DBNDD1: variants seen among roughly 807,000 people sequenced by gnomAD.
DBNDD1 encodes the protein dysbindin domain-containing protein 1.
In DBNDD1, 14 loss-of-function variants were observed where a neutral mutation model predicts 17.0. The observed-to-expected ratio is 0.82, with a 90% confidence interval of 0.54 to 1.29. The LOEUF (loss-of-function observed/expected upper bound fraction) is 1.29. Ranked by LOEUF, DBNDD1 falls within the 50% of genes most tolerant of loss-of-function variation. DBNDD1 has a pLI of 0.00. For missense variants in DBNDD1, 221 were observed against 216.2 expected (o/e 1.02, Z -0.14); for synonymous variants, 105 against 102.0 (o/e 1.03, Z -0.18).
chr16:90,007,407 A>C (rs1197375699), intron 3 of DBNDD1: 1 of 152,364 alleles, frequency 6.6e-6, no homozygotes, highest in Non-Finnish European at 1.5e-5. Flanking sequence ...TCTCACAGTT[A>C]CTGAAGTTCA....
At chr16:90,011,461 G>A (rs1597580906) in intron 1 of DBNDD1, 2 of 344,450 alleles carry the variant, frequency 5.8e-6, no homozygotes, top group East Asian at 8.4e-5. Context: ...GCTGGGCAGT[G>A]TGGTTGTGGG....
At position 90,006,230 on chromosome 16, in the gene DBNDD1, G is replaced by T. The variant is rs1386727750; in HGVS notation, c.*105C>A. ...GGGTGTGTGTCAGGAGGTGACGGCT[G>T]GAGCCTCGTGGGCGGGTGAAGTGTG... On this transcript the variant is annotated 3_prime_UTR_variant, in exon 4 of 4. Transcript: ENST00000002501. The T allele has an allele frequency of 2.1e-5, 30 of 1,427,370 alleles. No individual in the cohort carries two copies. In the Admixed American group the frequency reaches 2.9e-4, roughly 14 times the overall value. The allele number at this position is 1,427,370 out of a possible 1,614,324, so 88.4% of individuals were successfully genotyped here. A position where few individuals can be genotyped will look rare whatever the true frequency, so the allele number is the denominator to read the frequency against.
chr16:90,010,538 T>C (rs924030965), intron 1 of DBNDD1, among the ~76,000 whole-genome samples: 1 of 150,756 alleles, frequency 6.6e-6, no homozygotes, highest in African/African-American at 2.4e-5. Context: ...CAGCTAATTT[T>C]TTTTTTTTTT....
At chr16:90,011,163 C>G (rs987621712) in intron 1 of DBNDD1, among the ~76,000 whole-genome samples, 2 of 152,238 alleles carry the variant, frequency 1.3e-5, no homozygotes, top group Admixed American at 6.5e-5. Flanking sequence ...GAGCACTGAT[C>G]GTAGCTGGGT....
Position 90,005,489 on chromosome 16 carries a change from T to C in DBNDD1, c.*846A>G, listed in dbSNP as rs147334389. On this transcript the variant is annotated 3_prime_UTR_variant, in exon 4 of 4. Coordinates refer to ENST00000002501, the MANE Select transcript of DBNDD1 (RefSeq NM_001042610.3). ...ACCTGCCCAGCAAGTTTAAGGGCCG[T>C]GGGCAGGCCTTGTAGCCGGGCAATG... The C allele has an allele frequency of 6.3e-3, 961 of 152,282 alleles. 5 individuals are homozygous for C. Among genetic ancestry groups the C allele is most frequent in the South Asian group, 0.016 (79 of 4,828 alleles). 9.4% of individuals were successfully genotyped at this position (152,282 alleles called of 1,614,324 possible).
chr16:90,012,819 T>C (rs1337415391), intron 1 of DBNDD1, among the ~76,000 whole-genome samples: 1 of 152,006 alleles, frequency 6.6e-6, no homozygotes, highest in African/African-American at 2.4e-5. Flanking sequence ...GGTAAAACCA[T>C]AGCTCACTGC....
rs544220953 is a variant in DBNDD1 at position 90,006,362 on chromosome 16, G to C, written c.450C>G (p.Leu150=). ...ERQATVLDTF[L]TVERPQED ...AGTCCTCCTGGGGCCTCTCCACAGTGAGAAACGTGTCCAGGACTGTGGCCT... is the reference window on the plus strand; with the variant it reads ...AGTCCTCCTGGGGCCTCTCCACAGTCAGAAACGTGTCCAGGACTGTGGCCT... Residue 150 remains leucine, a synonymous_variant, in exon 4 of 4, where the codon CTC becomes CTG. Coordinates refer to ENST00000002501, the MANE Select transcript of DBNDD1 (RefSeq NM_001042610.3). The C allele has an allele frequency of 1.4e-5, 23 of 1,609,394 alleles. No individual in the cohort carries two copies. The East Asian group carries it at 4.5e-4, about 31-fold the overall frequency.
intron 3 of DBNDD1, 146 bp from the exon 4 acceptor site, chr16:90,006,638 A>T: frequency 1.9e-6 from 2 of 1,067,372 alleles, no homozygotes; most frequent in Non-Finnish European, 2.6e-6. Context: ...ATCTACCTCT[A>T]ACGGGAGGCC....
At position 90,019,043 on chromosome 16, in the gene DBNDD1, T is replaced by C. The variant is rs1014073197; in HGVS notation, c.31+268A>G. Among the ~76,000 whole-genome samples, 5 of 151,898 alleles carry C rather than the reference T, an allele frequency of 3.3e-5. No individual in the cohort carries two copies. The highest frequency in any genetic ancestry group is 1.2e-4 in the African/African-American group (5 of 41,386). ...GCTGGGAGGGGGCTCAGGACGAAACTCCGGGCCACCCACCAAGGAGCGTGC... is the reference window on the plus strand; with the variant it reads ...GCTGGGAGGGGGCTCAGGACGAAACCCCGGGCCACCCACCAAGGAGCGTGC... On this transcript the variant is annotated intron_variant, in intron 1 of 3. Transcript: ENST00000002501. The surrounding 1 kb of genome is among the most constrained non-coding windows in gnomAD (Gnocchi z 6.1).
chr16:90,009,327 G>A lies in DBNDD1; in HGVS notation c.135C>T (p.Ile45=). 6.2e-7 allele frequency: 1 copy of A among 1,613,544 alleles called. No individual in the cohort carries two copies. The highest frequency in any genetic ancestry group is 8.5e-7 in the Non-Finnish European group (1 of 1,180,000). Reference sequence around the variant, plus strand: ...GCAGGAGCCCCGGTGCTGGTACTGGGATGCCCCCGACCTCCTCCTCCACAG... The same window carrying A: ...GCAGGAGCCCCGGTGCTGGTACTGGAATGCCCCCGACCTCCTCCTCCACAG... The part of the protein sequence containing the change: ...HTPVEEEVGG[I]PVPAPGLLQV... Residue 45 remains isoleucine (I), a synonymous_variant, in exon 2 of 4, where the codon ATC becomes ATT. Transcript: ENST00000002501.
Position 90,009,667 on chromosome 16 carries a change from A to G in DBNDD1, c.32-237T>C, listed in dbSNP as rs557254473. On this transcript the variant is annotated intron_variant, in intron 1 of 3. Transcript: ENST00000002501. ...CCTGGCCTCCCCTAGTGAACAAGGA[A>G]TCTGAGATCCAGATCACCTTTGGTA... 2.4e-4 allele frequency: 157 copies of G among 645,538 alleles called. No homozygotes were observed. The South Asian group carries it at 3.0e-3, about 12-fold the overall frequency. 40.0% of individuals were successfully genotyped at this position (645,538 alleles called of 1,614,324 possible).
chr16:90,009,287 T>G lies in DBNDD1; in HGVS notation c.175A>C (p.Arg59=), dbSNP rs764211823. ...APGLLQVTER[R]QPLSSVSSLE... Reference sequence around the variant, plus strand: ...CTGGGCAGGGAGCAGTACTTACGCCTCCTCTCCGTGACCTGCAGGAGCCCC... The same window carrying G: ...CTGGGCAGGGAGCAGTACTTACGCCGCCTCTCCGTGACCTGCAGGAGCCCC... Residue 59 remains arginine, a synonymous_variant, in exon 2 of 4, where the codon AGG becomes CGG. Transcript: ENST00000002501. 6.2e-7 allele frequency: 1 copy of G among 1,613,122 alleles called. No homozygotes were observed. The highest frequency in any genetic ancestry group is 1.1e-5 in the South Asian group (1 of 91,076).
chr16:90,014,606 C>G (rs1231963331), intron 1 of DBNDD1, among the ~76,000 whole-genome samples: 3 of 152,184 alleles, frequency 2.0e-5, no homozygotes, highest in African/African-American at 7.2e-5. Context: ...CATTATAGAT[C>G]CTGGGGTCCC....
chr16:90,019,281 G>C lies in DBNDD1; in HGVS notation c.31+30C>G. 1 of 1,184,786 alleles carries C rather than the reference G, an allele frequency of 8.4e-7. No homozygotes were observed. Among genetic ancestry groups the C allele is most frequent in the Non-Finnish European group, 1.1e-6 (1 of 947,632 alleles). The allele number at this position is 1,184,786 out of a possible 1,614,324, so 73.4% of individuals were successfully genotyped here. On this transcript the variant is annotated intron_variant, in intron 1 of 3. Coordinates refer to ENST00000002501, the MANE Select transcript of DBNDD1 (RefSeq NM_001042610.3). This position sits in a 1 kb window ranked among gnomAD's most constrained non-coding sequence, Gnocchi z 6.1. ...GGCTCGCTGCGGGGAAGCGCTGCGC[G>C]GGGGTCTCGGGGGCTGGGGCTGAAC... is the stretch of plus-strand genomic sequence containing the variant.
intron 1 of DBNDD1, chr16:90,010,010 C>T (rs760962364): frequency 6.2e-7 from 1 of 1,614,200 alleles, no homozygotes; most frequent in Admixed American, 1.7e-5. Context: ...CCAACCATGC[C>T]TCACAGTTGA....
intron 2 of DBNDD1, 56 bp downstream of exon 2, chr16:90,009,228 C>T (rs1211831415): frequency 1.2e-5 from 19 of 1,603,350 alleles, no homozygotes; most frequent in South Asian, 8.8e-5. Flanking sequence ...TGCCTTGTCT[C>T]TTGGGGGAGC....
rs1277308442 is a variant in DBNDD1, at chr16:90,008,934, G to A, written c.179-10C>T. ...ACGCTGCTCAGAGGCTCTGAGGGCA[G>A]AGGGGGTACAGTCAGCCCTCAGGCC... On this transcript the variant is annotated splice_polypyrimidine_tract_variant and intron_variant, in intron 2 of 3. Transcript: ENST00000002501. 1.9e-6 allele frequency: 3 copies of A among 1,547,364 alleles called. No individual in the cohort carries two copies. Among genetic ancestry groups the A allele is most frequent in the Non-Finnish European group, 2.6e-6 (3 of 1,140,200 alleles).
At chr16:90,018,440 A>C (rs2035685605) in intron 1 of DBNDD1, among the ~76,000 whole-genome samples, 2 of 152,218 alleles carry the variant, frequency 1.3e-5, no homozygotes. Context: ...ATGTAGTTCC[A>C]GAGCGGCAGG....
chr16:90,009,932 T>C (rs369403024), intron 1 of DBNDD1: 9 of 1,604,916 alleles, frequency 5.6e-6, no homozygotes, highest in African/African-American at 2.7e-5. Flanking sequence ...GAATAATACA[T>C]TCTCATTAAA....
Sources: gnomAD v4.1 joint callset for allele counts (sites outside exome capture counted in the v4.1 genomes callset) on GRCh38, gnomAD v4.1.1 for gene constraint, Gnocchi (gnomAD v3.1) non-coding constraint, MANE v1.5 for transcripts, NCBI Gene and HGNC (gene_info 2026-07-23, HGNC 2026-07-21) for gene names.